Variants in BMPR1B observed in about 807,000 individuals in gnomAD.
The protein encoded by BMPR1B is bone morphogenetic protein receptor type-1B.
In BMPR1B, 12 loss-of-function variants were observed where a neutral mutation model predicts 59.1. That is an observed-to-expected ratio of 0.20 (90% CI 0.13 to 0.33). The LOEUF (loss-of-function observed/expected upper bound fraction) is 0.33, where lower values mean the gene tolerates loss of function less well. Ranked by LOEUF, BMPR1B falls within the 10% of genes least tolerant of loss-of-function variation. BMPR1B has a pLI of 1.00. For synonymous variants in BMPR1B, 237 were observed against 207.3 expected, an observed-to-expected ratio of 1.14 and a Z score of -1.23; for missense variants, 550 against 610.9, an observed-to-expected ratio of 0.90 and a Z score of 1.05.
intron 1 of BMPR1B, among the ~76,000 whole-genome samples, chr4:94,809,948 C>T (rs1250040415): frequency 1.3e-5 from 2 of 152,186 alleles, no homozygotes; most frequent in African/African-American, 4.8e-5. Context: ...GTATACAGTT[C>T]AGTGTCACCT....
chr4:94,967,866 C>T (rs79513915), intron 2 of BMPR1B, among the ~76,000 whole-genome samples: 73 of 152,146 alleles, frequency 4.8e-4, no homozygotes, highest in African/African-American at 1.7e-3. Flanking sequence ...AGTAAGAATA[C>T]GCTATTCATG....
In BMPR1B at chr4:95,019,534, G is replaced by A. The variant is rs1400498883; in HGVS notation, c.-18+23400G>A. On this transcript the variant is annotated intron_variant, in intron 3 of 12. Coordinates refer to ENST00000515059, the MANE Select transcript of BMPR1B (RefSeq NM_001203.3). ...TTTTTAAATATAAAGGTGGGTTTAG[G>A]TAAAATCAGTTCACTGTATTAGTAG... is the stretch of plus-strand genomic sequence containing the variant. Among the ~76,000 whole-genome samples, 3 of 152,166 alleles carry A rather than the reference G, an allele frequency of 2.0e-5. No homozygotes were observed. The East Asian group carries it at 5.8e-4, about 29-fold the overall frequency.
chr4:94,865,306 T>C (rs1726172541), intron 1 of BMPR1B, among the ~76,000 whole-genome samples: 1 of 151,810 alleles, frequency 6.6e-6, no homozygotes, highest in Non-Finnish European at 1.5e-5. Context: ...TTAGGTTAAT[T>C]CAGAAAAAAT....
intron 3 of BMPR1B, among the ~76,000 whole-genome samples, chr4:95,078,668 T>A (rs1007176517): frequency 7.2e-5 from 11 of 152,334 alleles, no homozygotes; most frequent in Non-Finnish European, 1.6e-4. Context: ...TTCAGAACCC[T>A]CTCACATGCA....
At chr4:95,151,481 TATCTC>T (rs1735038673) in intron 11 of BMPR1B, among the ~76,000 whole-genome samples, 1 of 152,176 alleles carries the variant, frequency 6.6e-6, no homozygotes. Flanking sequence ...GTGCTTTTCT[TATCTC>T]ATATGGAGGT....
intron 1 of BMPR1B, among the ~76,000 whole-genome samples, chr4:94,770,888 C>CAAAAAAAAAAAAAAAAAAA (rs11292596): frequency 3.4e-5 from 3 of 88,296 alleles, no homozygotes; most frequent in Non-Finnish European, 6.8e-5. Flanking sequence ...ATTAGCCCTG[C>CAAAAAAAAAAAAAAAAAAA]AAAAAAAAAA....
intron 2 of BMPR1B, among the ~76,000 whole-genome samples, chr4:94,960,215 A>G (rs1309290706): frequency 5.3e-5 from 8 of 152,192 alleles, no homozygotes; most frequent in Non-Finnish European, 1.2e-4. Context: ...AAAATGTCCT[A>G]TCTGTATAAC....
At chr4:95,089,537 G>A (rs1417406797) in intron 3 of BMPR1B, among the ~76,000 whole-genome samples, 1 of 152,128 alleles carries the variant, frequency 6.6e-6, no homozygotes, top group Non-Finnish European at 1.5e-5. Flanking sequence ...TATACTGGGT[G>A]TTATACAATT....
chr4:94,781,326 C>T (rs990873216), intron 1 of BMPR1B, among the ~76,000 whole-genome samples: 11 of 152,112 alleles, frequency 7.2e-5, no homozygotes, highest in African/African-American at 2.7e-4. Flanking sequence ...ATATTTTCAA[C>T]TTTTATAATG....
At chr4:94,784,193 C>T (rs1440884855) in intron 1 of BMPR1B, among the ~76,000 whole-genome samples, 1 of 152,056 alleles carries the variant, frequency 6.6e-6, no homozygotes, top group Non-Finnish European at 1.5e-5. Flanking sequence ...CCTCATACTG[C>T]CATTCTAGAA....
intron 3 of BMPR1B, among the ~76,000 whole-genome samples, chr4:95,053,952 C>T (rs147879144): frequency 5.3e-5 from 8 of 152,202 alleles, no homozygotes; most frequent in African/African-American, 9.6e-5. Flanking sequence ...ATTAATTCTG[C>T]GTCTACTTCA....
intron 3 of BMPR1B, among the ~76,000 whole-genome samples, chr4:95,064,575 C>T (rs972188615): frequency 6.6e-6 from 1 of 151,934 alleles, no homozygotes; most frequent in Non-Finnish European, 1.5e-5. Flanking sequence ...TAGAGCACGT[C>T]GCCAAGAAAG....
chr4:95,117,430 C>G (rs963746502), intron 6 of BMPR1B, among the ~76,000 whole-genome samples: 1 of 152,042 alleles, frequency 6.6e-6, no homozygotes, highest in Admixed American at 6.6e-5. Flanking sequence ...ATTGGAGAGC[C>G]ATTTGCTAAC....
chr4:94,980,777 G>A (rs568983958), intron 2 of BMPR1B, among the ~76,000 whole-genome samples: 1 of 152,232 alleles, frequency 6.6e-6, no homozygotes, highest in Admixed American at 6.5e-5. Flanking sequence ...TCAAATCAAA[G>A]TTTGTAACAA....
At chr4:94,854,901 T>C (rs973586356) in intron 1 of BMPR1B, among the ~76,000 whole-genome samples, 7 of 152,224 alleles carry the variant, frequency 4.6e-5, no homozygotes, top group African/African-American at 1.7e-4. Flanking sequence ...GCATCAGTAT[T>C]TTTCTTTTTT....
intron 1 of BMPR1B, among the ~76,000 whole-genome samples, chr4:94,836,204 G>A (rs1184355109): frequency 6.6e-6 from 1 of 150,826 alleles, no homozygotes; most frequent in South Asian, 2.1e-4. Context: ...ATTGTGAATA[G>A]TGACGCAATA....
chr4:95,100,918 TTAATA>T (rs768233556), intron 3 of BMPR1B, among the ~76,000 whole-genome samples: 4 of 152,222 alleles, frequency 2.6e-5, no homozygotes, highest in African/African-American at 4.8e-5. Context: ...TTTACTTTCT[TTAATA>T]TAATCTACTT....
intron 3 of BMPR1B, among the ~76,000 whole-genome samples, chr4:95,099,362 C>G (rs535462104): frequency 1.3e-5 from 2 of 152,210 alleles, no homozygotes; most frequent in East Asian, 3.9e-4. Flanking sequence ...TTAAATAGCT[C>G]CAACTATTAT....
At chr4:95,034,862 T>G (rs1015098112) in intron 3 of BMPR1B, among the ~76,000 whole-genome samples, 1 of 152,112 alleles carries the variant, frequency 6.6e-6, no homozygotes, top group Non-Finnish European at 1.5e-5. Context: ...CATAGTGTCT[T>G]CTATAGCGGT....
Sources: allele counts gnomAD v4.1 joint callset (sites outside exome capture counted in the v4.1 genomes callset), GRCh38; gene constraint gnomAD v4.1.1; transcripts MANE v1.5; gene names NCBI Gene and HGNC (gene_info 2026-07-23, HGNC 2026-07-21).